Variants in LCLAT1 observed in about 807,000 individuals in gnomAD.
LCLAT1 encodes the protein 1-AGP acyltransferase 8.
In LCLAT1, 11 loss-of-function variants were observed where a neutral mutation model predicts 30.7. The observed-to-expected ratio is 0.36, with a 90% CI of 0.23 to 0.59. LCLAT1 has a LOEUF of 0.59. LCLAT1 is among the 20% of genes least tolerant of loss of function. The pLI, the probability that LCLAT1 is intolerant of heterozygous loss-of-function variation, is 0.77. For synonymous variants in LCLAT1, 155 were observed against 151.3 expected (o/e 1.02, Z -0.18); for missense variants, 402 against 458.6 (o/e 0.88, Z 1.13).
At chr2:30,528,701 G>A (rs1457400615) in intron 2 of LCLAT1, among the ~76,000 whole-genome samples, 1 of 152,052 alleles carries the variant, frequency 6.6e-6, no homozygotes, top group African/African-American at 2.4e-5. Context: ...CCTAACTTTT[G>A]TCTTATTAGC....
chr2:30,531,093 G>C (rs1050154872), intron 2 of LCLAT1, among the ~76,000 whole-genome samples: 1 of 152,128 alleles, frequency 6.6e-6, no homozygotes, highest in Admixed American at 6.5e-5. Flanking sequence ...GTGAAATCCT[G>C]TCTCTACTGA....
intron 5 of LCLAT1, among the ~76,000 whole-genome samples, chr2:30,618,182 C>A (rs1668083202): frequency 1.3e-5 from 2 of 152,092 alleles, no homozygotes; most frequent in Non-Finnish European, 2.9e-5. Flanking sequence ...TATAGTAAGT[C>A]CTGAAATGAG....
At chr2:30,521,732 C>G (rs1434629479) in intron 1 of LCLAT1, among the ~76,000 whole-genome samples, 1 of 151,778 alleles carries the variant, frequency 6.6e-6, no homozygotes, top group Non-Finnish European at 1.5e-5. Context: ...GTCTCGATCT[C>G]CTGACCTCGT....
intron 1 of LCLAT1, among the ~76,000 whole-genome samples, chr2:30,461,423 G>C (rs829570): frequency 0.22 from 33,763 of 151,858 alleles, 3,841 homozygotes; most frequent in East Asian, 0.35. Context: ...GTTGTTGTTG[G>C]TGTTTTGTTT....
At chr2:30,638,514 A>C (rs550131644) in intron 5 of LCLAT1, among the ~76,000 whole-genome samples, 1 of 152,336 alleles carries the variant, frequency 6.6e-6, no homozygotes, top group Admixed American at 6.5e-5. Flanking sequence ...TCTGTAAGTA[A>C]TCAAAGTCCT....
At chr2:30,498,753 G>T (rs1490723637) in intron 1 of LCLAT1, among the ~76,000 whole-genome samples, 1 of 152,116 alleles carries the variant, frequency 6.6e-6, no homozygotes, top group Non-Finnish European at 1.5e-5. Flanking sequence ...TTGGAATATT[G>T]TTTGTAAAGT....
chr2:30,607,901 CTTAATTT>C (rs1667533539), intron 5 of LCLAT1: 1 of 129,924 alleles, frequency 7.7e-6, no homozygotes. Context: ...GTGTGTGTGT[CTTAATTT>C]TTAACAGTTT....
At position 30,577,403 on chromosome 2, in the gene LCLAT1, G is replaced by A. The variant is rs568510552; in HGVS notation, c.628+9227G>A. Among the ~76,000 whole-genome samples the A allele has an allele frequency of 4.6e-5, 7 of 152,126 alleles. No homozygotes were observed. The East Asian group carries it at 1.2e-3, about 25-fold the overall frequency. ...CAAGAGTATTGCATTCGGCCACATG[G>A]GGTAAATTCCAAGGATTATCCTACT... On this transcript the variant is annotated intron_variant, in intron 5 of 5. Transcript: ENST00000379509.
At chr2:30,620,218 A>T (rs1159520270) in intron 5 of LCLAT1, among the ~76,000 whole-genome samples, 1 of 152,150 alleles carries the variant, frequency 6.6e-6, no homozygotes, top group Non-Finnish European at 1.5e-5. Context: ...CCCATAACCC[A>T]GTATTTATTT....
In LCLAT1 at chr2:30,642,390, TTTTTC is replaced by T. The variant is rs975017443; in HGVS notation, c.*1781_*1785del. On this transcript the variant is annotated 3_prime_UTR_variant, in exon 6 of 6. Transcript: ENST00000379509. ...TCATGGTTTTACAGCTTGTTTTTTC[TTTTTC>T]TTTTCTTTTTTTTTTTTTTTTTTTA... 4 of 46,978 alleles carry T rather than the reference TTTTTC, an allele frequency of 8.5e-5. No homozygotes were observed. The highest frequency in any genetic ancestry group is 9.5e-4 in the East Asian group (1 of 1,050). The allele number at this position is 46,978 out of a possible 1,614,324, so 2.9% of individuals were successfully genotyped here.
chr2:30,615,553 A>C (rs1411097652), intron 5 of LCLAT1, among the ~76,000 whole-genome samples: 1 of 152,146 alleles, frequency 6.6e-6, no homozygotes, highest in Non-Finnish European at 1.5e-5. Flanking sequence ...GTGATCAGGA[A>C]TTTACCAAGG....
At chr2:30,522,491 A>T (rs1685524226) in intron 1 of LCLAT1, among the ~76,000 whole-genome samples, 1 of 152,232 alleles carries the variant, frequency 6.6e-6, no homozygotes, top group South Asian at 2.1e-4. Flanking sequence ...GCTGGATTAA[A>T]TGCAGAGTCA....
chr2:30,561,453 G>A (rs1035433954), intron 3 of LCLAT1, among the ~76,000 whole-genome samples: 2 of 152,134 alleles, frequency 1.3e-5, no homozygotes, highest in Non-Finnish European at 2.9e-5. Flanking sequence ...GCCTCAGTTA[G>A]GTATCTACTG....
intron 3 of LCLAT1, among the ~76,000 whole-genome samples, chr2:30,533,747 C>A (rs1308696856): frequency 6.6e-6 from 1 of 152,156 alleles, no homozygotes; most frequent in East Asian, 1.9e-4. Flanking sequence ...GGTGCTGGTA[C>A]TTTCTGAACT....
intron 1 of LCLAT1, among the ~76,000 whole-genome samples, chr2:30,459,242 C>T (rs571464440): frequency 1.3e-5 from 2 of 152,266 alleles, no homozygotes; most frequent in South Asian, 2.1e-4. Context: ...CCTTGCTGTT[C>T]ACATTCTGGC....
chr2:30,473,408 T>A (rs1442321758), intron 1 of LCLAT1, among the ~76,000 whole-genome samples: 1 of 152,178 alleles, frequency 6.6e-6, no homozygotes, highest in Non-Finnish European at 1.5e-5. Flanking sequence ...GAGAACCTGG[T>A]AAGCTTAAAA....
intron 1 of LCLAT1, among the ~76,000 whole-genome samples, chr2:30,462,315 G>A (rs1250904863): frequency 6.6e-6 from 1 of 152,160 alleles, no homozygotes; most frequent in Non-Finnish European, 1.5e-5. Flanking sequence ...TGTATAATTG[G>A]AAAGTTAGAG....
chr2:30,602,696 C>G (rs6729634), intron 5 of LCLAT1, among the ~76,000 whole-genome samples: 1,964 of 152,166 alleles, frequency 0.013, 44 homozygotes, highest in African/African-American at 0.043. Context: ...TTAATATCAG[C>G]TTTTATTTTA....
At chr2:30,589,550 C>T (rs756637792) in intron 5 of LCLAT1, among the ~76,000 whole-genome samples, 2 of 151,866 alleles carry the variant, frequency 1.3e-5, no homozygotes, top group Non-Finnish European at 2.9e-5. Context: ...ATTAGACATA[C>T]AACAGAGTAA....
Sources: gnomAD v4.1 joint callset for allele counts (sites outside exome capture counted in the v4.1 genomes callset) on GRCh38, gnomAD v4.1.1 for gene constraint, MANE v1.5 for transcripts, NCBI Gene and HGNC (gene_info 2026-07-23, HGNC 2026-07-21) for gene names.